The following DAB1 variants were observed in gnomAD, a reference collection of about 807,000 sequenced individuals.
DAB1 encodes the protein disabled homolog 1.
A neutral mutation model predicts 64.6 loss-of-function variants in DAB1; 15 were observed. That is an observed-to-expected ratio of 0.23 (90% CI 0.16 to 0.36). The LOEUF is 0.36. Among genes scored for constraint, DAB1 ranks in the 10% least tolerant of loss-of-function variants. The pLI, the probability that DAB1 is intolerant of heterozygous loss-of-function variation, is 1.00. For missense variants in DAB1, 596 were observed against 706.7 expected (o/e 0.84, Z 1.78); for synonymous variants, 235 against 251.9 (o/e 0.93, Z 0.64).
At chr1:57,395,980 A>G (rs1682774632) in intron 1 of DAB1, among the ~76,000 whole-genome samples, 1 of 152,238 alleles carries the variant, frequency 6.6e-6, no homozygotes, top group African/African-American at 2.4e-5. Flanking sequence ...TGTGGGTAAG[A>G]CTGAACATAA....
chr1:58,107,518 G>A (rs1258880703), intron 5 of DAB1, among the ~76,000 whole-genome samples: 1 of 151,886 alleles, frequency 6.6e-6, no homozygotes, highest in East Asian at 1.9e-4. Flanking sequence ...AGCAGTCAGG[G>A]TGCCAGGGAG....
intron 4 of DAB1, among the ~76,000 whole-genome samples, chr1:57,072,911 G>A (rs1651642823): frequency 6.6e-6 from 1 of 152,196 alleles, no homozygotes; most frequent in African/African-American, 2.4e-5. Context: ...GTGTGTTGAG[G>A]AATAAATGCC....
intron 2 of DAB1, among the ~76,000 whole-genome samples, chr1:57,270,254 C>G (rs1670891106): frequency 6.6e-6 from 1 of 152,312 alleles, no homozygotes; most frequent in South Asian, 2.1e-4. Flanking sequence ...GCTGGGCATT[C>G]AAATACTCTG....
chr1:58,246,364 G>A (rs1338134149), intron 4 of DAB1, among the ~76,000 whole-genome samples: 1 of 152,144 alleles, frequency 6.6e-6, no homozygotes, highest in Non-Finnish European at 1.5e-5. Flanking sequence ...CTTCAAGAGG[G>A]GCGTTTAAAG....
intron 14 of DAB1, among the ~76,000 whole-genome samples, chr1:57,003,093 C>G (rs147395068): frequency 7.4e-4 from 112 of 152,278 alleles, no homozygotes; most frequent in African/African-American, 2.6e-3. Context: ...GATGAGCTCT[C>G]AGTTATTAAT....
chr1:57,010,803 A>G lies in DAB1; in HGVS notation c.1573-13T>C. The G allele has an allele frequency of 4.6e-6, 7 of 1,533,762 alleles. No individual in the cohort carries two copies. Among genetic ancestry groups the G allele is most frequent in the Non-Finnish European group, 6.1e-6 (7 of 1,138,888 alleles). ...GTGATCCATCAGGCTAGAACACAAG[A>G]AGATAATACTTTTTTTTTTCTCTCT... On this transcript the variant is annotated splice_polypyrimidine_tract_variant and intron_variant, in intron 13 of 14. Transcript: ENST00000371236.
chr1:57,502,667 A>T (rs1037139395), intron 7 of DAB1, among the ~76,000 whole-genome samples: 2 of 152,318 alleles, frequency 1.3e-5, no homozygotes, highest in Admixed American at 6.5e-5. Context: ...AAGGTCATTG[A>T]TCAAGGACTA....
chr1:57,271,039 C>T (rs763028902), intron 2 of DAB1, among the ~76,000 whole-genome samples: 18 of 152,168 alleles, frequency 1.2e-4, no homozygotes, highest in Non-Finnish European at 4.4e-5. Context: ...TTGGAAGACG[C>T]TAATGCAAAA....
At chr1:57,306,820 C>A (rs1377756741) in intron 1 of DAB1, 3 of 152,134 alleles carry the variant, frequency 2.0e-5, no homozygotes, top group African/African-American at 7.2e-5. Flanking sequence ...ACGACCATGG[C>A]AGCTCTGTAT....
intron 4 of DAB1, among the ~76,000 whole-genome samples, chr1:58,291,274 G>A (rs1485036410): frequency 2.0e-5 from 3 of 152,102 alleles, no homozygotes; most frequent in Non-Finnish European, 2.9e-5. Flanking sequence ...CTGGAGACAG[G>A]GGGAGGCAAT....
At chr1:58,384,358 T>C (rs934765918) in intron 3 of DAB1, among the ~76,000 whole-genome samples, 6 of 152,162 alleles carry the variant, frequency 3.9e-5, no homozygotes, top group African/African-American at 1.4e-4. Context: ...GACGATAGAA[T>C]GGTGGTTATG....
At chr1:57,678,902 G>A (rs1357334410) in intron 6 of DAB1, among the ~76,000 whole-genome samples, 1 of 149,880 alleles carries the variant, frequency 6.7e-6, no homozygotes, top group Non-Finnish European at 1.5e-5. Context: ...GAGTAGCTGC[G>A]ACTACAAGCG....
At chr1:57,006,559 C>G (rs572699861) in intron 14 of DAB1, among the ~76,000 whole-genome samples, 1 of 152,294 alleles carries the variant, frequency 6.6e-6, no homozygotes, top group Non-Finnish European at 1.5e-5. Context: ...AGACCCTGGT[C>G]ATCTTCTGCC....
At chr1:57,730,385 T>C (rs1370172594) in intron 6 of DAB1, among the ~76,000 whole-genome samples, 3 of 152,134 alleles carry the variant, frequency 2.0e-5, no homozygotes, top group Non-Finnish European at 4.4e-5. Context: ...TACTCTCAAA[T>C]CTCCCATTAA....
intron 11 of DAB1, among the ~76,000 whole-genome samples, chr1:57,021,343 A>G (rs1483166816): frequency 6.6e-6 from 1 of 152,212 alleles, no homozygotes; most frequent in Non-Finnish European, 1.5e-5. Context: ...GGCCCAGAGC[A>G]GTGCTGTGAC....
intron 5 of DAB1, among the ~76,000 whole-genome samples, chr1:57,908,944 T>A (rs781645742): frequency 1.5e-4 from 23 of 151,706 alleles, no homozygotes; most frequent in Non-Finnish European, 2.5e-4. Flanking sequence ...TTAAAGGAAG[T>A]GTCTTGGGAA....
intron 4 of DAB1, among the ~76,000 whole-genome samples, chr1:58,169,610 T>C (rs1656050850): frequency 6.6e-6 from 1 of 152,144 alleles, no homozygotes. Flanking sequence ...TGCAGTGAAA[T>C]ACCTTATGTC....
intron 4 of DAB1, among the ~76,000 whole-genome samples, chr1:58,206,395 T>G (rs981052723): frequency 1.3e-5 from 2 of 152,242 alleles, no homozygotes; most frequent in Non-Finnish European, 2.9e-5. Context: ...GCAGCTATTT[T>G]TAATCTCAGT....
chr1:58,077,003 T>C (rs1462653201), intron 5 of DAB1, among the ~76,000 whole-genome samples: 3 of 152,190 alleles, frequency 2.0e-5, no homozygotes, highest in Non-Finnish European at 4.4e-5. Flanking sequence ...GACTGTGTCT[T>C]ATTGGCTCAG....
Sources: allele counts gnomAD v4.1 joint callset (sites outside exome capture counted in the v4.1 genomes callset), GRCh38; gene constraint gnomAD v4.1.1; transcripts MANE v1.5; gene names NCBI Gene and HGNC (gene_info 2026-07-23, HGNC 2026-07-21).